The following TENM2 variants were observed in gnomAD, a reference collection of about 807,000 sequenced individuals.
TENM2 encodes the protein teneurin-2.
Under a neutral mutation model 245.2 loss-of-function variants are expected in TENM2, and 52 were observed. The ratio of observed to expected loss-of-function variants is 0.21; its 90% CI spans 0.17 to 0.27. The LOEUF is 0.27. Among genes scored for constraint, TENM2 ranks in the 10% least tolerant of loss-of-function variants. The pLI is 1.00. For synonymous variants in TENM2, 1,363 were observed against 1,438.9 expected (o/e 0.95, Z 1.19); for missense variants, 3,046 against 3,666.8 (o/e 0.83, Z 4.37).
intron 7 of TENM2, among the ~76,000 whole-genome samples, chr5:168,063,063 T>G (rs1016439215): frequency 1.3e-5 from 2 of 152,260 alleles, no homozygotes; most frequent in Admixed American, 6.5e-5. Flanking sequence ...CCCAACCTGA[T>G]GAAAACAGCT....
chr5:167,680,552 G>A (rs1485036117), intron 2 of TENM2, among the ~76,000 whole-genome samples: 1 of 152,120 alleles, frequency 6.6e-6, no homozygotes, highest in Non-Finnish European at 1.5e-5. Context: ...GTGACACGAG[G>A]AGATGCACAG....
chr5:167,551,228 A>C (rs965630847), intron 2 of TENM2, among the ~76,000 whole-genome samples: 11 of 152,230 alleles, frequency 7.2e-5, no homozygotes, highest in African/African-American at 1.2e-4. Context: ...TTATTACGTC[A>C]GAAAATAGTG....
chr5:167,758,503 C>G (rs1424098236), intron 2 of TENM2, among the ~76,000 whole-genome samples: 4 of 152,146 alleles, frequency 2.6e-5, no homozygotes, highest in African/African-American at 9.7e-5. Flanking sequence ...CCAGCTTCCT[C>G]CTTGTCATTG....
chr5:167,088,743 GT>G, the TENM2 span, among the ~76,000 whole-genome samples: 1 of 152,084 alleles, frequency 6.6e-6, no homozygotes, highest in Admixed American at 6.6e-5. Flanking sequence ...AACTACTGCC[GT>G]TTATTTAGTG....
chr5:168,244,602 G>C lies in TENM2; in HGVS notation c.5703G>C (p.Leu1901=), dbSNP rs1332291061. 5.6e-6 allele frequency: 9 copies of C among 1,606,374 alleles called. No individual in the cohort carries two copies. The highest frequency in any genetic ancestry group is 2.2e-5 in the South Asian group (2 of 90,176). Residue 1901 remains leucine, a synonymous_variant, in exon 26 of 29, where the codon CTG becomes CTC. Transcript: ENST00000518659. This position sits in a 1 kb window ranked among gnomAD's most constrained non-coding sequence, Gnocchi z 4.9. Reference sequence around the variant, plus strand: ...TGTCATACTTCTTCAATGGGCGCCTGGCTGGGCTTCAGCGTGGGGCCATGA... The same window carrying C: ...TGTCATACTTCTTCAATGGGCGCCTCGCTGGGCTTCAGCGTGGGGCCATGA...
intron 2 of TENM2, among the ~76,000 whole-genome samples, chr5:167,387,223 T>C (rs1265197888): frequency 6.6e-6 from 1 of 151,804 alleles, no homozygotes. Context: ...GTCTTTCACC[T>C]CCTTGGTTAG....
At chr5:167,007,660 G>A in the TENM2 span, among the ~76,000 whole-genome samples, 1 of 151,980 alleles carries the variant, frequency 6.6e-6, no homozygotes, top group African/African-American at 2.4e-5. The surrounding 1 kb of genome is among the most constrained non-coding windows in gnomAD (Gnocchi z 4.2). Flanking sequence ...TTGAGTCTTG[G>A]CATTCATATT....
chr5:167,015,319 A>AG, the TENM2 span, among the ~76,000 whole-genome samples: 1 of 152,210 alleles, frequency 6.6e-6, no homozygotes, highest in Non-Finnish European at 1.5e-5. Flanking sequence ...ATCATTGCAG[A>AG]GGGGAACACT....
exon 19 of TENM2, chr5:168,204,617 T>A (rs1221510931): frequency 1.2e-6 from 2 of 1,613,102 alleles, no homozygotes; most frequent in South Asian, 2.2e-5. Flanking sequence ...CATCTTGGAG[T>A]TACGGTAAAT....
intron 1 of TENM2, among the ~76,000 whole-genome samples, chr5:167,302,767 A>G (rs997843093): frequency 2.6e-5 from 4 of 151,982 alleles, no homozygotes; most frequent in Non-Finnish European, 4.4e-5. Context: ...ATTGACATGG[A>G]GAGAAGGGGT....
intron 2 of TENM2, among the ~76,000 whole-genome samples, chr5:167,620,562 T>TG (rs952105021): frequency 1.3e-5 from 2 of 148,416 alleles, no homozygotes; most frequent in Non-Finnish European, 3.0e-5. Flanking sequence ...TTTTTTTTTT[T>TG]TTTTTTTTTC....
chr5:167,020,100 A>T, the TENM2 span, among the ~76,000 whole-genome samples: 1 of 152,160 alleles, frequency 6.6e-6, no homozygotes, highest in Admixed American at 6.5e-5. Flanking sequence ...AAAGTTTATT[A>T]TCTTCTGACC....
the TENM2 span, among the ~76,000 whole-genome samples, chr5:166,986,818 T>A: frequency 1.3e-4 from 20 of 152,218 alleles, no homozygotes; most frequent in Non-Finnish European, 1.0e-4. Flanking sequence ...TAGATTATCC[T>A]TTTGTCACCA....
At chr5:167,375,092 T>G (rs1203210057) in intron 1 of TENM2, 106 bp from the exon 4 acceptor site, 2 of 1,118,980 alleles carry the variant, frequency 1.8e-6, no homozygotes, top group Non-Finnish European at 2.6e-6. Flanking sequence ...GTGAATTTGA[T>G]GTATCTGTCA....
At chr5:168,168,639 G>A (rs1001970546) in intron 13 of TENM2, among the ~76,000 whole-genome samples, 1 of 147,004 alleles carries the variant, frequency 6.8e-6, no homozygotes, top group Admixed American at 6.9e-5. Flanking sequence ...CCGTGATTGT[G>A]CTATTACACT....
At chr5:167,671,673 T>A (rs2150352095) in intron 2 of TENM2, among the ~76,000 whole-genome samples, 1 of 151,788 alleles carries the variant, frequency 6.6e-6, no homozygotes, top group Non-Finnish European at 1.5e-5. Context: ...CATGTCATGT[T>A]AATCCCTTTA....
At chr5:167,649,097 C>T (rs1337325600) in intron 2 of TENM2, among the ~76,000 whole-genome samples, 1 of 152,020 alleles carries the variant, frequency 6.6e-6, no homozygotes, top group Non-Finnish European at 1.5e-5. Context: ...TTAATAATTC[C>T]CTCTTTAGGT....
At chr5:167,581,938 G>T (rs1221148380) in intron 2 of TENM2, among the ~76,000 whole-genome samples, 1 of 151,810 alleles carries the variant, frequency 6.6e-6, no homozygotes, top group African/African-American at 2.4e-5. Flanking sequence ...AAAAAATCAA[G>T]CGTTACAAAG....
At chr5:168,197,526 C>T (rs1761546849) in intron 15 of TENM2, among the ~76,000 whole-genome samples, 1 of 151,986 alleles carries the variant, frequency 6.6e-6, no homozygotes, top group Non-Finnish European at 1.5e-5. Context: ...GGGTGAAACC[C>T]CATCTCTACT....
Sources: allele counts gnomAD v4.1 joint callset (sites outside exome capture counted in the v4.1 genomes callset), GRCh38; gene constraint gnomAD v4.1.1; non-coding constraint Gnocchi (gnomAD v3.1); transcripts MANE v1.5; gene names NCBI Gene and HGNC (gene_info 2026-07-23, HGNC 2026-07-21).